CAVIN1: variants seen among roughly 807,000 people sequenced by gnomAD.
CAVIN1 encodes the protein caveolae associated protein 1.
Under a neutral mutation model 24.0 loss-of-function variants are expected in CAVIN1, and 16 were observed. The observed-to-expected ratio is 0.67, with a 90% confidence interval of 0.45 to 1.01. The LOEUF is 1.01. Among genes scored for constraint, CAVIN1 ranks in the 50% least tolerant of loss-of-function variants. The pLI is 0.00. For missense variants in CAVIN1, 510 were observed against 551.7 expected (o/e 0.92, Z 0.76); for synonymous variants, 256 against 256.4 (o/e 1.00, Z 0.02).
chr17:42,417,167 A>T (rs978458669), intron 1 of CAVIN1, among the ~76,000 whole-genome samples: 5 of 152,146 alleles, frequency 3.3e-5, no homozygotes, highest in African/African-American at 1.2e-4. Context: ...TAAGATTGTA[A>T]TGGAGGCTGG....
intron 1 of CAVIN1, among the ~76,000 whole-genome samples, chr17:42,415,797 A>C (rs1445390008): frequency 6.6e-6 from 1 of 152,154 alleles, no homozygotes; most frequent in South Asian, 2.1e-4. Context: ...ATGATGAAAT[A>C]TTCACAATGT....
At chr17:42,415,243 G>T (rs979883918) in intron 1 of CAVIN1, among the ~76,000 whole-genome samples, 1 of 152,164 alleles carries the variant, frequency 6.6e-6, no homozygotes, top group East Asian at 1.9e-4. Flanking sequence ...ACGGAAGGAG[G>T]GGGTGGGGAG....
chr17:42,405,216 T>G lies in CAVIN1; in HGVS notation c.644A>C (p.Glu215Ala). 3 of 1,613,918 alleles carry G rather than the reference T, an allele frequency of 1.9e-6. No homozygotes were observed. The highest frequency in any genetic ancestry group is 2.5e-6 in the Non-Finnish European group (3 of 1,179,932). The change falls in exon 2 of 2, where the codon GAG (glutamate) becomes GCG (alanine). Residue 215 changes from glutamate to alanine, a missense_variant. Transcript: ENST00000357037. ...EAVEVEEVIE[E>A]SRAERIKRSG... is the part of the protein sequence containing the mutation. ...GCGCTTGATACGCTCTGCGCGGGAC[T>G]CCTCAATAACCTCCTCAACCTCCAC...
intron 1 of CAVIN1, among the ~76,000 whole-genome samples, chr17:42,413,441 T>C (rs7208079): frequency 0.94 from 143,099 of 151,668 alleles, 68,035 homozygotes; most frequent in East Asian, 1. Context: ...TGCCTGAAAT[T>C]TCAGCTACTC....
intron 1 of CAVIN1, among the ~76,000 whole-genome samples, chr17:42,412,569 T>TTTTTTC (rs2085485946): frequency 1.3e-5 from 2 of 149,772 alleles, no homozygotes; most frequent in African/African-American, 4.9e-5. Context: ...AATTTTTTTT[T>TTTTTTC]TTTTTTTGAT....
chr17:42,413,559 AAAAAGGG>A (rs1352437425), intron 1 of CAVIN1, among the ~76,000 whole-genome samples: 1 of 66,590 alleles, frequency 1.5e-5, no homozygotes, highest in Non-Finnish European at 3.2e-5. Flanking sequence ...AGTCTGTCTC[AAAAAGGG>A]AAAAAAAAAA....
chr17:42,408,789 C>A (rs567131778), intron 1 of CAVIN1, among the ~76,000 whole-genome samples: 2 of 138,090 alleles, frequency 1.4e-5, no homozygotes, highest in African/African-American at 2.7e-5. Flanking sequence ...CCGTGCCCGG[C>A]CTTTTTTTTT....
rs1412027234 is a variant in CAVIN1 at position 42,412,038 on chromosome 17, GA to G, written c.472-6651del. The G allele has an allele frequency of 8.1e-6, 8 of 985,206 alleles. No individual in the cohort carries two copies. In the Admixed American group the frequency reaches 4.9e-4, roughly 61 times the overall value. 61.0% of individuals were successfully genotyped at this position (985,206 alleles called of 1,614,324 possible). A position where few individuals can be genotyped will look rare whatever the true frequency, so the allele number is the denominator to read the frequency against. ...CCCACGCCCACAGAACGGGATCCGG[GA>G]GACCCTAAACACTCCCACCGGCTGT... On this transcript the variant is annotated intron_variant, in intron 1 of 1. Coordinates refer to ENST00000357037, the MANE Select transcript of CAVIN1 (RefSeq NM_012232.6).
chr17:42,421,207 C>A (rs2085543065), intron 1 of CAVIN1, among the ~76,000 whole-genome samples: 1 of 152,072 alleles, frequency 6.6e-6, no homozygotes, highest in African/African-American at 2.4e-5. Context: ...GCTGACCCAC[C>A]TTTCTGTCTC....
intron 1 of CAVIN1, among the ~76,000 whole-genome samples, chr17:42,414,737 A>G (rs1476417780): frequency 6.6e-6 from 1 of 152,130 alleles, no homozygotes; most frequent in Non-Finnish European, 1.5e-5. Flanking sequence ...TAAAGCCTGT[A>G]GTCTCAAAAA....
chr17:42,415,755 A>G (rs2085508227), intron 1 of CAVIN1, among the ~76,000 whole-genome samples: 1 of 152,110 alleles, frequency 6.6e-6, no homozygotes. Flanking sequence ...AGAAAAAAAG[A>G]AAAGAAAAAT....
At chr17:42,409,891 A>G (rs1313578640) in intron 1 of CAVIN1, among the ~76,000 whole-genome samples, 1 of 152,056 alleles carries the variant, frequency 6.6e-6, no homozygotes, top group East Asian at 1.9e-4. Context: ...ACCACTCCCA[A>G]TAGGCTTGGT....
In CAVIN1 at chr17:42,422,995, G is replaced by C; in HGVS notation, c.103C>G (p.Pro35Ala). The change falls in exon 1 of 2, where the codon CCG (proline) becomes GCG (alanine). Residue 35 changes from proline (P) to alanine (A), a missense_variant. Pro to Ala is a conservative substitution (Grantham distance 27, BLOSUM62 -1). Coordinates refer to ENST00000357037, the MANE Select transcript of CAVIN1 (RefSeq NM_012232.6). Reference sequence around the variant, plus strand: ...AGCTCTTCTGAGCCGGCCCCCGACGGCTCCTCCGCTGCCTGAGCCCCAGCG... The same window carrying C: ...AGCTCTTCTGAGCCGGCCCCCGACGCCTCCTCCGCTGCCTGAGCCCCAGCG... Reference protein sequence around the residue: ...SSAGAQAAEEPSGAGSEELIK... With the variant: ...SSAGAQAAEEASGAGSEELIK... 6.2e-7 allele frequency: 1 copy of C among 1,613,300 alleles called. No homozygotes were observed. Among genetic ancestry groups the C allele is most frequent in the South Asian group, 1.1e-5 (1 of 91,016 alleles).
At chr17:42,413,175 T>C (rs1413696999) in intron 1 of CAVIN1, among the ~76,000 whole-genome samples, 2 of 150,220 alleles carry the variant, frequency 1.3e-5, no homozygotes, top group Non-Finnish European at 3.0e-5. Context: ...TCAAGTGATC[T>C]GCCCTCCTTG....
At chr17:42,410,849 G>C (rs866667038) in intron 1 of CAVIN1, among the ~76,000 whole-genome samples, 1 of 133,266 alleles carries the variant, frequency 7.5e-6, no homozygotes, top group South Asian at 2.6e-4. Flanking sequence ...AGCCGAGATC[G>C]TGCCACTGTA....
At chr17:42,411,410 T>G (rs1202935995) in intron 1 of CAVIN1, 1 of 984,832 alleles carries the variant, frequency 1.0e-6, no homozygotes, top group Non-Finnish European at 1.2e-6. Context: ...TTTTAACATT[T>G]TTTTTAAGTT....
At chr17:42,414,643 T>C (rs1420970883) in intron 1 of CAVIN1, among the ~76,000 whole-genome samples, 1 of 152,038 alleles carries the variant, frequency 6.6e-6, no homozygotes, top group East Asian at 1.9e-4. Context: ...TGGAAGACTA[T>C]AGGCTTCTTG....
chr17:42,413,908 T>G (rs72823056), intron 1 of CAVIN1, among the ~76,000 whole-genome samples: 30,303 of 151,844 alleles, frequency 0.2, 3,485 homozygotes, highest in African/African-American at 0.31. Context: ...GGTTGTTGTT[T>G]TTTTTTAGAC....
Position 42,421,727 on chromosome 17 carries a change from C to T in CAVIN1, c.471+900G>A, listed in dbSNP as rs569573272. ...AAAGAAAGCAACAAGTGGCCCCGGG[C>T]GGAGCCGGGGGGTGGGGGCGCCAGC... is the stretch of plus-strand genomic sequence containing the variant. On this transcript the variant is annotated intron_variant, in intron 1 of 1. Coordinates refer to ENST00000357037, the MANE Select transcript of CAVIN1 (RefSeq NM_012232.6). Among the ~76,000 whole-genome samples, 17 of 152,276 alleles carry T rather than the reference C, an allele frequency of 1.1e-4. No individual in the cohort carries two copies. In the East Asian group the frequency reaches 3.3e-3, roughly 29 times the overall value.
Sources: gnomAD v4.1 joint callset for allele counts (sites outside exome capture counted in the v4.1 genomes callset) on GRCh38, gnomAD v4.1.1 for gene constraint, MANE v1.5 for transcripts, NCBI Gene and HGNC (gene_info 2026-07-23, HGNC 2026-07-21) for gene names.